The following ARHGAP26 variants were observed in gnomAD, a reference collection of about 807,000 sequenced individuals.
The protein encoded by ARHGAP26 is rho GTPase-activating protein 26.
Under a neutral mutation model 104.8 loss-of-function variants are expected in ARHGAP26, and 38 were observed. The ratio of observed to expected loss-of-function variants is 0.36; its 90% confidence interval spans 0.28 to 0.48. ARHGAP26 has a LOEUF of 0.48. Ranked by LOEUF, ARHGAP26 falls within the 20% of genes least tolerant of loss-of-function variation. ARHGAP26 has a pLI of 0.99. For missense variants in ARHGAP26, 704 were observed against 947.9 expected, an observed-to-expected ratio of 0.74 and a Z score of 3.38; for synonymous variants, 341 against 340.0, an observed-to-expected ratio of 1.00 and a Z score of -0.03.
At chr5:143,159,369 A>G (rs1800912375) in intron 20 of ARHGAP26, among the ~76,000 whole-genome samples, 1 of 152,254 alleles carries the variant, frequency 6.6e-6, no homozygotes, top group South Asian at 2.1e-4. Context: ...GAGTGGAAAC[A>G]GCAGGAATAG....
intron 11 of ARHGAP26, among the ~76,000 whole-genome samples, chr5:142,988,369 A>C (rs1775084159): frequency 6.6e-6 from 1 of 151,566 alleles, no homozygotes; most frequent in African/African-American, 2.4e-5. Flanking sequence ...TTTCTAGTTT[A>C]TTCTTCTCTC....
chr5:142,887,798 C>G (rs992742590), intron 5 of ARHGAP26, among the ~76,000 whole-genome samples: 9 of 152,126 alleles, frequency 5.9e-5, no homozygotes, highest in African/African-American at 2.2e-4. Flanking sequence ...GACCTCGTCT[C>G]TACTAAAAAT....
rs1019630974 is a variant in ARHGAP26, at chr5:142,894,234, G to A, written c.487-4G>A. The stretch of plus-strand genomic sequence containing the variant: ...TTTTCTCTTAAATTCCATCTTGTTT[G>A]TAGGCAGACAGCCAAGTGGACCTGG... On this transcript the variant is annotated splice_polypyrimidine_tract_variant and splice_region_variant and intron_variant, in intron 5 of 22. Transcript: ENST00000645722. The A allele has an allele frequency of 1.2e-6, 2 of 1,612,212 alleles. No homozygotes were observed. Among genetic ancestry groups the A allele is most frequent in the Non-Finnish European group, 1.7e-6 (2 of 1,178,874 alleles).
intron 1 of ARHGAP26, chr5:142,772,896 G>A (rs1561814304): frequency 1.9e-6 from 1 of 533,272 alleles, no homozygotes; most frequent in East Asian, 5.4e-5. Flanking sequence ...GTTTTTGGGG[G>A]CAAGAATTCT....
intron 11 of ARHGAP26, among the ~76,000 whole-genome samples, chr5:142,949,221 G>GAGAGA (rs71576158): frequency 4.1e-4 from 4 of 9,768 alleles, no homozygotes; most frequent in Admixed American, 9.9e-4. Flanking sequence ...GAGAGAGAGA[G>GAGAGA]GAGAGAGAGA....
intron 20 of ARHGAP26, among the ~76,000 whole-genome samples, chr5:143,178,954 C>A: frequency 6.6e-6 from 1 of 152,212 alleles, no homozygotes; most frequent in African/African-American, 2.4e-5. Flanking sequence ...ACTGCAACTT[C>A]CGCCTCCCGG....
At position 142,800,369 on chromosome 5, in the gene ARHGAP26, CT is replaced by C. The variant is rs200656496; in HGVS notation, c.154+29469del. The stretch of plus-strand genomic sequence containing the variant: ...AGAAGGCTGAGGTCTTTTTCTTTGT[CT>C]TTTTTTTTTTTTTTCTGAGATGGAG... On this transcript the variant is annotated intron_variant, in intron 1 of 22. Transcript: ENST00000645722. 1.3e-3 allele frequency among the ~76,000 whole-genome samples: 181 copies of C among 142,010 alleles called. 1 individual carries two copies. Among genetic ancestry groups the C allele is most frequent in the East Asian group, 4.0e-3 (20 of 4,942 alleles). The allele number at this position is 142,010 out of a possible 152,430, so 93.2% of individuals were successfully genotyped here. A position where few individuals can be genotyped will look rare whatever the true frequency, so the allele number is the denominator to read the frequency against.
At chr5:142,827,672 G>C (rs1198011899) in intron 1 of ARHGAP26, among the ~76,000 whole-genome samples, 1 of 152,182 alleles carries the variant, frequency 6.6e-6, no homozygotes, top group African/African-American at 2.4e-5. Context: ...TTGAGTTAAT[G>C]TGGGAGTCTG....
intron 1 of ARHGAP26, among the ~76,000 whole-genome samples, chr5:142,818,968 A>G (rs1160893862): frequency 6.6e-6 from 1 of 151,688 alleles, no homozygotes; most frequent in Non-Finnish European, 1.5e-5. Context: ...CCTTCCTTCA[A>G]CTCCACCTGG....
chr5:142,964,898 A>G (rs1010543224), intron 11 of ARHGAP26, among the ~76,000 whole-genome samples: 28 of 152,128 alleles, frequency 1.8e-4, no homozygotes, highest in Non-Finnish European at 3.1e-4. Context: ...ACTACCACCA[A>G]TGCGCGGAGA....
intron 20 of ARHGAP26, chr5:143,168,600 C>A (rs951706577): frequency 3.3e-5 from 5 of 151,926 alleles, no homozygotes; most frequent in African/African-American, 1.2e-4. Context: ...AAAATAGGTT[C>A]AAAAATAAGC....
intron 11 of ARHGAP26, among the ~76,000 whole-genome samples, chr5:142,943,734 C>T (rs1183543558): frequency 6.6e-6 from 1 of 152,032 alleles, no homozygotes; most frequent in Non-Finnish European, 1.5e-5. Context: ...CACAAAAGCC[C>T]CTTTGATTGT....
chr5:143,051,092 G>A (rs895873949), intron 14 of ARHGAP26, among the ~76,000 whole-genome samples: 6 of 152,054 alleles, frequency 3.9e-5, no homozygotes, highest in South Asian at 4.1e-4. Context: ...TAACATGTGC[G>A]TGTATTACTT....
intron 11 of ARHGAP26, among the ~76,000 whole-genome samples, chr5:142,978,217 A>G (rs961282047): frequency 6.6e-6 from 1 of 152,178 alleles, no homozygotes; most frequent in South Asian, 2.1e-4. Context: ...CTCAAAGGCC[A>G]TGAGTGGTAG....
At chr5:143,002,245 A>G (rs1334420170) in intron 11 of ARHGAP26, among the ~76,000 whole-genome samples, 1 of 152,128 alleles carries the variant, frequency 6.6e-6, no homozygotes, top group East Asian at 1.9e-4. Flanking sequence ...GCAGCAGAAG[A>G]GCCTTATGAG....
chr5:142,852,571 G>A (rs1751702591), intron 1 of ARHGAP26, among the ~76,000 whole-genome samples: 1 of 152,234 alleles, frequency 6.6e-6, no homozygotes, highest in Non-Finnish European at 1.5e-5. Flanking sequence ...GCTTGTAACA[G>A]TCGGGATTTC....
At chr5:143,012,576 T>TACATATATATATATA (rs1554195628) in intron 11 of ARHGAP26, among the ~76,000 whole-genome samples, 2 of 57,030 alleles carry the variant, frequency 3.5e-5, no homozygotes, top group Non-Finnish European at 5.2e-5. Flanking sequence ...TATATATATA[T>TACATATATATATATA]TATGATCAGG....
chr5:143,073,024 G>C (rs1049438402), intron 17 of ARHGAP26, among the ~76,000 whole-genome samples: 2 of 151,970 alleles, frequency 1.3e-5, no homozygotes, highest in African/African-American at 2.4e-5. Context: ...ATTATAATTT[G>C]TCCATTAAAA....
At chr5:143,162,263 C>A (rs1801325826) in intron 20 of ARHGAP26, among the ~76,000 whole-genome samples, 1 of 143,674 alleles carries the variant, frequency 7.0e-6, no homozygotes, top group Non-Finnish European at 1.5e-5. Flanking sequence ...GAAACAGACA[C>A]TCTACTCCCA....
Sources: allele counts gnomAD v4.1 joint callset (sites outside exome capture counted in the v4.1 genomes callset), GRCh38; gene constraint gnomAD v4.1.1; transcripts MANE v1.5; gene names NCBI Gene and HGNC (gene_info 2026-07-23, HGNC 2026-07-21).